The following FNBP1 variants were observed in gnomAD, a reference collection of about 807,000 sequenced individuals.
FNBP1 encodes the protein formin-binding protein 1.
In FNBP1, 26 loss-of-function variants were observed where a neutral mutation model predicts 90.6. The ratio of observed to expected loss-of-function variants is 0.29; its 90% CI spans 0.21 to 0.40. The LOEUF (loss-of-function observed/expected upper bound fraction) is 0.40. Among genes scored for constraint, FNBP1 ranks in the 10% least tolerant of loss-of-function variants. The pLI, the probability that FNBP1 is intolerant of heterozygous loss-of-function variation, is 1.00. For missense variants in FNBP1, 635 were observed against 768.0 expected, an observed-to-expected ratio of 0.83 and a Z score of 2.05; for synonymous variants, 260 against 265.2, an observed-to-expected ratio of 0.98 and a Z score of 0.19.
chr9:129,936,364 T>G (rs1457682410), intron 6 of FNBP1: 1 of 152,264 alleles, frequency 6.6e-6, no homozygotes. Flanking sequence ...GTAATCATTA[T>G]TCAGTGAGCA....
At chr9:129,935,951 A>C (rs746917516) in intron 6 of FNBP1, among the ~76,000 whole-genome samples, 1 of 45,236 alleles carries the variant, frequency 2.2e-5, no homozygotes, top group Non-Finnish European at 5.0e-5. Context: ...GCTGTTCCTT[A>C]AATGATAAAC....
rs542478702 is a variant in FNBP1, at chr9:129,896,791, C to G, written c.1688-795G>C. On this transcript the variant is annotated intron_variant, in intron 15 of 16. Coordinates refer to ENST00000446176, the MANE Select transcript of FNBP1 (RefSeq NM_015033.3). ...AGATTACAGGCATGTGCCACCACGC[C>G]CGGCTAATTTTGTATTTTTAGTAGA... 2.6e-5 allele frequency among the ~76,000 whole-genome samples: 4 copies of G among 152,240 alleles called. No homozygotes were observed. In the East Asian group the frequency reaches 7.7e-4, roughly 29 times the overall value.
intron 16 of FNBP1, chr9:129,895,445 G>A: frequency 4.5e-6 from 5 of 1,118,746 alleles, no homozygotes; most frequent in Non-Finnish European, 5.4e-6. Context: ...ATATAAACAA[G>A]AGTAGGGAAG....
chr9:129,936,867 A>G (rs1367272464), intron 6 of FNBP1, among the ~76,000 whole-genome samples: 1 of 152,108 alleles, frequency 6.6e-6, no homozygotes, highest in Non-Finnish European at 1.5e-5. Flanking sequence ...GGATTTGTCA[A>G]TGGTTAGGAA....
chr9:129,983,849 C>A (rs1390936331), intron 2 of FNBP1, among the ~76,000 whole-genome samples: 1 of 151,972 alleles, frequency 6.6e-6, no homozygotes, highest in Non-Finnish European at 1.5e-5. Context: ...ACAACAACAA[C>A]AACAAAAATG....
intron 1 of FNBP1, among the ~76,000 whole-genome samples, chr9:130,013,236 T>A (rs2056848743): frequency 6.6e-6 from 1 of 152,096 alleles, no homozygotes; most frequent in African/African-American, 2.4e-5. Context: ...TGCCTCGGCC[T>A]CCCAAAGTGC....
At chr9:130,000,276 A>T (rs911280771) in intron 1 of FNBP1, among the ~76,000 whole-genome samples, 10 of 152,144 alleles carry the variant, frequency 6.6e-5, no homozygotes, top group Non-Finnish European at 1.2e-4. Context: ...GGGTCGTCTG[A>T]GGTTAGGAGT....
At chr9:129,988,761 T>C (rs1447069693) in intron 2 of FNBP1, among the ~76,000 whole-genome samples, 2 of 152,162 alleles carry the variant, frequency 1.3e-5, no homozygotes, top group Non-Finnish European at 2.9e-5. Context: ...AAAGTGGCCA[T>C]AGACAATACA....
chr9:130,042,816 T>A lies in FNBP1; in HGVS notation c.24+136A>T, dbSNP rs2059960329. On this transcript the variant is annotated intron_variant, in intron 1 of 16. Transcript: ENST00000446176. The surrounding 1 kb of genome is among the most constrained non-coding windows in gnomAD (Gnocchi z 5.5). ...GGACGAGGGGCATTGGAACCCCGCC[T>A]CCTCCCCAGGCCGCGAGGACCCCGA... The A allele has an allele frequency of 2.0e-6, 1 of 493,344 alleles. No homozygotes were observed. Among genetic ancestry groups the A allele is most frequent in the Non-Finnish European group, 3.1e-6 (1 of 321,750 alleles). The allele number at this position is 493,344 out of a possible 1,614,324, so 30.6% of individuals were successfully genotyped here. A position where few individuals can be genotyped will look rare whatever the true frequency, so the allele number is the denominator to read the frequency against.
rs528302176 is a variant in FNBP1 at position 130,002,927 on chromosome 9, G to A, written c.25-7969C>T. ...GCTCCTTGAATTCAAACCAACCAAA[G>A]GTGTGTGCCAGGTGCTGTTAGTTAT... On this transcript the variant is annotated intron_variant, in intron 1 of 16. Coordinates refer to ENST00000446176, the MANE Select transcript of FNBP1 (RefSeq NM_015033.3). 2.0e-4 allele frequency among the ~76,000 whole-genome samples: 31 copies of A among 152,242 alleles called. 1 individual carries two copies. Among genetic ancestry groups the A allele is most frequent in the Admixed American group, 2.0e-3 (31 of 15,272 alleles).
chr9:130,040,302 G>A (rs1024289562), intron 1 of FNBP1, among the ~76,000 whole-genome samples: 4 of 152,144 alleles, frequency 2.6e-5, no homozygotes, highest in African/African-American at 9.7e-5. Context: ...CTACTCAAAG[G>A]CAAATGCTGG....
intron 1 of FNBP1, among the ~76,000 whole-genome samples, chr9:130,002,380 GGGCCTAATGGGA>G (rs2054994029): frequency 6.6e-6 from 1 of 152,072 alleles, no homozygotes; most frequent in African/African-American, 2.4e-5. Context: ...GTCAGAGGTG[GGGCCTAATGGGA>G]GGCCTTGGGT....
chr9:129,997,122 C>T lies in FNBP1; in HGVS notation c.25-2164G>A, dbSNP rs558957238. On this transcript the variant is annotated intron_variant, in intron 1 of 16. Coordinates refer to ENST00000446176, the MANE Select transcript of FNBP1 (RefSeq NM_015033.3). ...GGTGGATCACTTGAAGCCAGGAGTT[C>T]GAGACCAGCCTGGACAACATGGTGA... Among the ~76,000 whole-genome samples, 4 of 151,770 alleles carry T rather than the reference C, an allele frequency of 2.6e-5. 1 individual carries two copies. The South Asian group carries it at 8.3e-4, about 31-fold the overall frequency.
intron 12 of FNBP1, among the ~76,000 whole-genome samples, chr9:129,905,200 T>C (rs1372125828): frequency 1.3e-5 from 2 of 151,600 alleles, no homozygotes; most frequent in Non-Finnish European, 2.9e-5. Context: ...CCTCCCAGTC[T>C]TTCCTAATCA....
At chr9:129,995,010 A>C in intron 1 of FNBP1, 52 bp from the exon 2 acceptor site, 1 of 816,436 alleles carries the variant, frequency 1.2e-6, no homozygotes, top group Non-Finnish European at 2.1e-6. Context: ...TGATTAACAT[A>C]ATTTCAATGA....
rs1344003665 is a variant in FNBP1 at position 129,899,249 on chromosome 9, T to G, written c.1687+716A>C. ...CCTGCCAGCATGCCCAGCCAGTTTT[T>G]GTATTTTTAGTAGAGATGGGATTTC... On this transcript the variant is annotated intron_variant, in intron 15 of 16. Transcript: ENST00000446176. Among the ~76,000 whole-genome samples, 5 of 152,036 alleles carry G rather than the reference T, an allele frequency of 3.3e-5. No individual in the cohort carries two copies. In the East Asian group the frequency reaches 9.8e-4, roughly 30 times the overall value.
At chr9:129,954,504 A>G (rs2046626941) in intron 6 of FNBP1, among the ~76,000 whole-genome samples, 1 of 152,126 alleles carries the variant, frequency 6.6e-6, no homozygotes, top group Admixed American at 6.6e-5. Context: ...AAAACATAAT[A>G]CATCATAATC....
rs1404496141 is a variant in FNBP1 at position 129,932,239 on chromosome 9, CAAACGAATGAAAGAGAAAGAAA to C, written c.514-2566_514-2545del. 3.4e-5 allele frequency among the ~76,000 whole-genome samples: 5 copies of C among 147,822 alleles called. No homozygotes were observed. The East Asian group carries it at 9.9e-4, about 29-fold the overall frequency. ...AAAAAAAGAAAAGAAAAAAAAAGAA[CAAACGAATGAAAGAGAAAGAAA>C]GAGAAAGTGAAAGAGAGAAAGAAAA... is the stretch of plus-strand genomic sequence containing the variant. On this transcript the variant is annotated intron_variant, in intron 6 of 16. Coordinates refer to ENST00000446176, the MANE Select transcript of FNBP1 (RefSeq NM_015033.3).
chr9:130,023,550 G>A (rs2058056714), intron 1 of FNBP1, among the ~76,000 whole-genome samples: 1 of 152,206 alleles, frequency 6.6e-6, no homozygotes, highest in Non-Finnish European at 1.5e-5. Flanking sequence ...AGAAGGAGAA[G>A]GCAGCCTGGC....
Sources: gnomAD v4.1 joint callset for allele counts (sites outside exome capture counted in the v4.1 genomes callset) on GRCh38, gnomAD v4.1.1 for gene constraint, Gnocchi (gnomAD v3.1) non-coding constraint, MANE v1.5 for transcripts, NCBI Gene and HGNC (gene_info 2026-07-23, HGNC 2026-07-21) for gene names.